LRRC4C: variants seen among roughly 807,000 people sequenced by gnomAD.
The protein encoded by LRRC4C is leucine-rich repeat-containing protein 4C.
Under a neutral mutation model 33.6 loss-of-function variants are expected in LRRC4C, and 5 were observed. That is an observed-to-expected ratio of 0.15 (90% CI 0.08 to 0.31). LRRC4C has a LOEUF of 0.31. Among genes scored for constraint, LRRC4C ranks in the 10% least tolerant of loss-of-function variants. The pLI is 1.00. For missense variants in LRRC4C, 560 were observed against 796.7 expected, an observed-to-expected ratio of 0.70 and a Z score of 3.58; for synonymous variants, 329 against 302.0, an observed-to-expected ratio of 1.09 and a Z score of -0.93.
At chr11:41,103,269 T>C (rs893927987) in intron 1 of LRRC4C, among the ~76,000 whole-genome samples, 4 of 151,934 alleles carry the variant, frequency 2.6e-5, no homozygotes, top group African/African-American at 4.8e-5. Context: ...ACTAACCTCA[T>C]CTTTGAAAAT....
intron 3 of LRRC4C, among the ~76,000 whole-genome samples, chr11:40,645,890 C>T (rs953994680): frequency 6.6e-6 from 1 of 152,148 alleles, no homozygotes; most frequent in Non-Finnish European, 1.5e-5. Context: ...TCGGGGGACA[C>T]CCTCACCCAA....
At chr11:41,296,188 T>C (rs1158856656) in intron 1 of LRRC4C, among the ~76,000 whole-genome samples, 3 of 152,226 alleles carry the variant, frequency 2.0e-5, no homozygotes, top group African/African-American at 7.2e-5. Context: ...AAACCAATAT[T>C]GCATTGCAGA....
intron 2 of LRRC4C, among the ~76,000 whole-genome samples, chr11:40,759,186 ATATATATAAT>A (rs1949079801): frequency 6.8e-6 from 1 of 147,022 alleles, no homozygotes; most frequent in Non-Finnish European, 1.5e-5. Context: ...TATATGAGGA[ATATATATAAT>A]TATATATAAT....
chr11:40,123,774 T>G (rs1856002219), intron 6 of LRRC4C, among the ~76,000 whole-genome samples: 1 of 152,210 alleles, frequency 6.6e-6, no homozygotes. Flanking sequence ...AGACCCAGAA[T>G]AGCCAAAGCT....
chr11:41,026,012 T>G (rs1289822507), intron 1 of LRRC4C, among the ~76,000 whole-genome samples: 1 of 151,738 alleles, frequency 6.6e-6, no homozygotes, highest in Admixed American at 6.6e-5. Flanking sequence ...GTAGGAGATA[T>G]ACAAAGAGAT....
intron 1 of LRRC4C, among the ~76,000 whole-genome samples, chr11:41,092,145 T>C (rs1940470708): frequency 6.6e-6 from 1 of 152,220 alleles, no homozygotes; most frequent in African/African-American, 2.4e-5. Context: ...AGGCTAGAAA[T>C]GTTTGAATAT....
At chr11:40,519,039 A>G (rs776715047) in intron 3 of LRRC4C, among the ~76,000 whole-genome samples, 1 of 152,160 alleles carries the variant, frequency 6.6e-6, no homozygotes, top group Non-Finnish European at 1.5e-5. Flanking sequence ...GAGTTGAACA[A>G]TGAGAACACA....
intron 3 of LRRC4C, among the ~76,000 whole-genome samples, chr11:40,557,784 A>C (rs1957389166): frequency 6.6e-6 from 1 of 151,314 alleles, no homozygotes; most frequent in African/African-American, 2.5e-5. Context: ...ATTAAAGATA[A>C]ATAAAGCAGA....
Position 41,249,313 on chromosome 11 carries a change from C to T in LRRC4C, c.-496+210118G>A, listed in dbSNP as rs550932400. ...CCTCCCAAAGTGCTGGGATTACAGG[C>T]GTGAGCCACCGCGCCCGGCCAAGAT... On this transcript the variant is annotated intron_variant, in intron 1 of 6. Transcript: ENST00000528697. Among the ~76,000 whole-genome samples the T allele has an allele frequency of 7.9e-5, 12 of 152,200 alleles. No homozygotes were observed. The South Asian group carries it at 1.5e-3, about 18-fold the overall frequency.
chr11:41,060,810 G>C (rs1937702908), intron 1 of LRRC4C, among the ~76,000 whole-genome samples: 1 of 152,128 alleles, frequency 6.6e-6, no homozygotes, highest in African/African-American at 2.4e-5. Flanking sequence ...CTTTAAGCCA[G>C]ACAAATTAGA....
At chr11:41,073,988 A>C (rs1938917997) in intron 1 of LRRC4C, among the ~76,000 whole-genome samples, 1 of 152,198 alleles carries the variant, frequency 6.6e-6, no homozygotes, top group South Asian at 2.1e-4. Flanking sequence ...ATATGTGAAC[A>C]ACTGCCCTCT....
intron 1 of LRRC4C, among the ~76,000 whole-genome samples, chr11:41,091,852 C>T (rs888813665): frequency 1.3e-5 from 2 of 152,026 alleles, no homozygotes; most frequent in Admixed American, 1.3e-4. Context: ...TAATATTAGC[C>T]TATCTTGTGG....
intron 6 of LRRC4C, among the ~76,000 whole-genome samples, chr11:40,132,678 C>T (rs1415956636): frequency 6.6e-6 from 1 of 151,840 alleles, no homozygotes; most frequent in Non-Finnish European, 1.5e-5. Context: ...GGAAAAACAA[C>T]CATATAAAAG....
intron 2 of LRRC4C, among the ~76,000 whole-genome samples, chr11:40,918,170 C>A (rs754190654): frequency 1.3e-5 from 2 of 152,040 alleles, no homozygotes; most frequent in Non-Finnish European, 1.5e-5. Context: ...GAAATGAAAT[C>A]TAGGACACAG....
chr11:41,400,245 T>C (rs1953974582), intron 1 of LRRC4C, among the ~76,000 whole-genome samples: 1 of 151,940 alleles, frequency 6.6e-6, no homozygotes, highest in Non-Finnish European at 1.5e-5. Context: ...TGAGAAACTG[T>C]TATAAATGTT....
intron 2 of LRRC4C, among the ~76,000 whole-genome samples, chr11:40,925,662 C>G (rs796403418): frequency 6.6e-6 from 1 of 152,082 alleles, no homozygotes; most frequent in Admixed American, 6.6e-5. Context: ...TAGAGCACAG[C>G]GTTTGGGTTT....
chr11:40,930,413 C>G (rs1192101080), intron 2 of LRRC4C, among the ~76,000 whole-genome samples: 1 of 152,138 alleles, frequency 6.6e-6, no homozygotes, highest in Non-Finnish European at 1.5e-5. Context: ...AAAAGGCAAA[C>G]AAAAGAGAGC....
At chr11:40,906,795 T>G (rs1281373066) in intron 2 of LRRC4C, among the ~76,000 whole-genome samples, 2 of 152,170 alleles carry the variant, frequency 1.3e-5, no homozygotes, top group East Asian at 1.9e-4. Context: ...GTGTATATTT[T>G]TATGTGTTTA....
intron 2 of LRRC4C, among the ~76,000 whole-genome samples, chr11:40,692,612 C>G (rs569289586): frequency 4.6e-5 from 7 of 151,986 alleles, no homozygotes; most frequent in South Asian, 2.1e-4. Flanking sequence ...AAACAAAAAG[C>G]CTTGAAAAGT....
Sources: gnomAD v4.1 joint callset for allele counts (sites outside exome capture counted in the v4.1 genomes callset) on GRCh38, gnomAD v4.1.1 for gene constraint, MANE v1.5 for transcripts, NCBI Gene and HGNC (gene_info 2026-07-23, HGNC 2026-07-21) for gene names.